Variants in SUMO2 observed in about 807,000 individuals in gnomAD.
SUMO2 encodes small ubiquitin like modifier 2, also known as small ubiquitin-related modifier 2.
SUMO2 carries 1 observed loss-of-function variant against 16.0 expected under a neutral mutation model. The observed-to-expected ratio is 0.06, with a 90% CI of 0.02 to 0.30. The LOEUF (loss-of-function observed/expected upper bound fraction) is 0.30. Among genes scored for constraint, SUMO2 ranks in the 10% least tolerant of loss-of-function variants. SUMO2 has a pLI of 1.00. For missense variants in SUMO2, 16 were observed against 117.5 expected, an observed-to-expected ratio of 0.14 and a Z score of 3.99; for synonymous variants, 36 against 40.6, an observed-to-expected ratio of 0.89 and a Z score of 0.43.
At chr17:75,179,275 T>C (rs1646298198) in intron 2 of SUMO2, among the ~76,000 whole-genome samples, 1 of 151,830 alleles carries the variant, frequency 6.6e-6, no homozygotes, top group Admixed American at 6.6e-5. Flanking sequence ...ACGCCTGTAA[T>C]CCCAGCACTT....
chr17:75,173,987 C>T (rs2074762138), intron 3 of SUMO2, among the ~76,000 whole-genome samples: 1 of 152,174 alleles, frequency 6.6e-6, no homozygotes, highest in African/African-American at 2.4e-5. Context: ...TTATCAGGGG[C>T]TCTCCCTGTC....
chr17:75,173,034 T>C (rs1347030578), intron 3 of SUMO2, among the ~76,000 whole-genome samples: 2 of 152,232 alleles, frequency 1.3e-5, no homozygotes, highest in Non-Finnish European at 2.9e-5. Context: ...AACTACAATC[T>C]GGATGTGCTG....
At chr17:75,177,836 T>TATAA (rs71159445) in intron 2 of SUMO2, among the ~76,000 whole-genome samples, 1 of 151,392 alleles carries the variant, frequency 6.6e-6, no homozygotes, top group Non-Finnish European at 1.5e-5. Context: ...CTACGAAAAA[T>TATAA]AAATTAGCCG....
At chr17:75,177,630 C>CTAGA (rs2074792739) in intron 2 of SUMO2, among the ~76,000 whole-genome samples, 1 of 151,436 alleles carries the variant, frequency 6.6e-6, no homozygotes, top group African/African-American at 2.4e-5. Flanking sequence ...TCCAGTAAGC[C>CTAGA]TAGATTGCGC....
Position 75,170,618 on chromosome 17 carries a change from G to A in SUMO2, c.226-2217C>T, listed in dbSNP as rs1424469186. Reference sequence around the variant, plus strand: ...ACACCAAAACAAAAAACCCACGGCAGGCGTGGTGGCTCACAAGGTCAGTCA... The same window carrying A: ...ACACCAAAACAAAAAACCCACGGCAAGCGTGGTGGCTCACAAGGTCAGTCA... On this transcript the variant is annotated intron_variant, in intron 3 of 3. Transcript: ENST00000420826. Among the ~76,000 whole-genome samples, 3 of 151,404 alleles carry A rather than the reference G, an allele frequency of 2.0e-5. No homozygotes were observed. The East Asian group carries it at 5.8e-4, about 29-fold the overall frequency.
intron 3 of SUMO2, among the ~76,000 whole-genome samples, chr17:75,172,325 C>CTTCTTTT (rs140644374): frequency 3.7e-5 from 4 of 109,400 alleles, no homozygotes; most frequent in South Asian, 2.6e-4. Flanking sequence ...TGTACCCAGA[C>CTTCTTTT]TTTTTTTTTT....
intron 3 of SUMO2, among the ~76,000 whole-genome samples, chr17:75,172,744 G>C (rs2074751576): frequency 6.6e-6 from 1 of 151,900 alleles, no homozygotes; most frequent in Admixed American, 6.6e-5. Flanking sequence ...CAAAGTGCTG[G>C]GATCACAGGC....
chr17:75,178,837 C>A (rs1462865380), intron 2 of SUMO2, among the ~76,000 whole-genome samples: 1 of 151,926 alleles, frequency 6.6e-6, no homozygotes, highest in East Asian at 1.9e-4. Flanking sequence ...GTCCTGTAAT[C>A]CCAGTGACTT....
intron 3 of SUMO2, among the ~76,000 whole-genome samples, chr17:75,170,180 A>G (rs1285690040): frequency 6.6e-6 from 1 of 152,104 alleles, no homozygotes; most frequent in Non-Finnish European, 1.5e-5. Context: ...TAAATAAATG[A>G]AAGCTGAATA....
chr17:75,170,914 T>C (rs1387540331), intron 3 of SUMO2, among the ~76,000 whole-genome samples: 1 of 150,892 alleles, frequency 6.6e-6, no homozygotes, highest in Admixed American at 6.6e-5. Flanking sequence ...AAATACCATA[T>C]AGCCGTTAAA....
intron 3 of SUMO2, among the ~76,000 whole-genome samples, chr17:75,169,462 C>T (rs112738869): frequency 0.055 from 8,270 of 151,388 alleles, 750 homozygotes; most frequent in African/African-American, 0.19. Context: ...CAGCTCACTG[C>T]AAGCTCCGCC....
chr17:75,179,072 G>A (rs1331310630), intron 2 of SUMO2, among the ~76,000 whole-genome samples: 1 of 152,150 alleles, frequency 6.6e-6, no homozygotes, highest in African/African-American at 2.4e-5. Flanking sequence ...TATTTTGTAT[G>A]CAGTTTTGCT....
intron 3 of SUMO2, among the ~76,000 whole-genome samples, chr17:75,169,945 G>A (rs959219779): frequency 3.0e-4 from 46 of 151,014 alleles, no homozygotes; most frequent in African/African-American, 1.0e-3. Context: ...ACCTGAGGTC[G>A]GGAGTTCAAG....
intron 3 of SUMO2, among the ~76,000 whole-genome samples, chr17:75,174,515 G>A (rs2074766946): frequency 6.6e-6 from 1 of 152,168 alleles, no homozygotes; most frequent in African/African-American, 2.4e-5. Context: ...CCGGGCAACA[G>A]AGAGGCCCTG....
chr17:75,167,554 T>G lies in SUMO2; in HGVS notation c.*785A>C, dbSNP rs552702586. On this transcript the variant is annotated 3_prime_UTR_variant, in exon 4 of 4. Coordinates refer to ENST00000420826, the MANE Select transcript of SUMO2 (RefSeq NM_006937.4). ...ATTAACATGGGACCTAGAGAAACTT[T>G]TGGAACAAGGTGATATTTATAAAAC... is the stretch of plus-strand genomic sequence containing the variant. The G allele has an allele frequency of 1.6e-4, 24 of 152,278 alleles. No individual in the cohort carries two copies. Among genetic ancestry groups the G allele is most frequent in the African/African-American group, 5.8e-4 (24 of 41,572 alleles). The allele number at this position is 152,278 out of a possible 1,614,324, so 9.4% of individuals were successfully genotyped here.
intron 3 of SUMO2, among the ~76,000 whole-genome samples, chr17:75,171,096 G>C (rs951125971): frequency 1.7e-4 from 26 of 151,284 alleles, no homozygotes; most frequent in South Asian, 4.2e-4. Flanking sequence ...ACACCCCAAG[G>C]AGCAAAGCAG....
At chr17:75,169,116 C>CAGCT (rs1231497178) in intron 3 of SUMO2, among the ~76,000 whole-genome samples, 1 of 150,930 alleles carries the variant, frequency 6.6e-6, no homozygotes, top group Non-Finnish European at 1.5e-5. Context: ...TCCATACTCC[C>CAGCT]AGCTACTCAG....
Position 75,180,484 on chromosome 17 carries a change from G to A in SUMO2, c.153+573C>T, listed in dbSNP as rs534262897. On this transcript the variant is annotated intron_variant, in intron 2 of 3. Coordinates refer to ENST00000420826, the MANE Select transcript of SUMO2 (RefSeq NM_006937.4). ...TCCCAGCACTTTGGAAGGCCGAGGC[G>A]GGCGGATCACCTGAGGTCAGGAGTT... is the stretch of plus-strand genomic sequence containing the variant. 4.0e-5 allele frequency among the ~76,000 whole-genome samples: 6 copies of A among 150,460 alleles called. No homozygotes were observed. In the East Asian group the frequency reaches 5.9e-4, roughly 15 times the overall value.
At chr17:75,182,791 G>T in intron 1 of SUMO2, 23 bp downstream of exon 1, 1 of 1,355,542 alleles carries the variant, frequency 7.4e-7, no homozygotes, top group East Asian at 2.9e-5. Context: ...GCGGCGAGGC[G>T]AAGGGGCCGG....
Sources: gnomAD v4.1 joint callset for allele counts (sites outside exome capture counted in the v4.1 genomes callset) on GRCh38, gnomAD v4.1.1 for gene constraint, MANE v1.5 for transcripts, NCBI Gene and HGNC (gene_info 2026-07-23, HGNC 2026-07-21) for gene names.